Variants in CPB2 observed in about 807,000 individuals in gnomAD.
CPB2 encodes carboxypeptidase B2.
A neutral mutation model predicts 57.0 loss-of-function variants in CPB2; 54 were observed. That is an observed-to-expected ratio of 0.95 (90% CI 0.76 to 1.19). The LOEUF (loss-of-function observed/expected upper bound fraction) is 1.19, where lower values mean the gene tolerates loss of function less well. Among genes scored for constraint, CPB2 ranks in the 50% most tolerant of loss-of-function variants. The pLI is 0.00. For missense variants in CPB2, 426 were observed against 512.0 expected (o/e 0.83, Z 1.62); for synonymous variants, 189 against 178.1 (o/e 1.06, Z -0.49).
intron 1 of CPB2, among the ~76,000 whole-genome samples, chr13:46,092,836 C>T (rs1300176282): frequency 6.6e-6 from 1 of 152,010 alleles, no homozygotes; most frequent in African/African-American, 2.4e-5. Flanking sequence ...ATCTTGTAGG[C>T]AATTAGAAGT....
At chr13:46,091,013 C>T (rs2045285905) in intron 1 of CPB2, among the ~76,000 whole-genome samples, 1 of 152,184 alleles carries the variant, frequency 6.6e-6, no homozygotes, top group East Asian at 1.9e-4. Context: ...CGTGAGCCAC[C>T]GTGCCCGGCT....
At position 46,064,684 on chromosome 13, in the gene CPB2, CT is replaced by C; in HGVS notation, c.759del (p.Asp254ThrfsTer2). ...SFYANNHCIG[T>X]DLNRNFASKH... ...TTGGAAGCAAAGTTCCTATTCAGGT[CT>C]GTTCCGATGCAATGATTGTTCGCAT... On this transcript the variant is annotated frameshift_variant, in exon 8 of 11. Coordinates refer to ENST00000181383, the MANE Select transcript of CPB2 (RefSeq NM_001872.5). LOFTEE classifies it high-confidence loss of function. 6.2e-7 allele frequency: 1 copy of C among 1,614,134 alleles called. No individual in the cohort carries two copies.
At chr13:46,087,640 G>A (rs925218293) in intron 2 of CPB2, 105 bp downstream of exon 2, 2 of 759,928 alleles carry the variant, frequency 2.6e-6, no homozygotes, top group Admixed American at 2.5e-5. Flanking sequence ...GAGAAGAAGA[G>A]TTCATACCAG....
At chr13:46,100,285 C>T (rs959430699) in intron 1 of CPB2, 1 of 152,034 alleles carries the variant, frequency 6.6e-6, no homozygotes, top group African/African-American at 2.4e-5. Flanking sequence ...TTGATATGTC[C>T]AAGTTCAGCT....
At chr13:46,059,471 A>C (rs904892197) in intron 8 of CPB2, among the ~76,000 whole-genome samples, 4 of 152,228 alleles carry the variant, frequency 2.6e-5, no homozygotes, top group African/African-American at 4.8e-5. Context: ...AAAATTGAAA[A>C]ATTATACATT....
chr13:46,078,236 C>A (rs948043473), intron 5 of CPB2, among the ~76,000 whole-genome samples: 1 of 152,042 alleles, frequency 6.6e-6, no homozygotes, highest in Non-Finnish European at 1.5e-5. Context: ...TAAAAATTAA[C>A]ATCAAAAAGC....
chr13:46,096,689 G>A (rs1484448705), intron 1 of CPB2, among the ~76,000 whole-genome samples: 2 of 152,092 alleles, frequency 1.3e-5, no homozygotes, highest in East Asian at 3.9e-4. Context: ...TGAGGCAGGA[G>A]AATTGCTTGA....
At chr13:46,059,870 G>T (rs2044747395) in intron 8 of CPB2, among the ~76,000 whole-genome samples, 1 of 152,138 alleles carries the variant, frequency 6.6e-6, no homozygotes, top group South Asian at 2.1e-4. Context: ...TTAAAAAATT[G>T]TTTCCCTGAG....
intron 10 of CPB2, among the ~76,000 whole-genome samples, chr13:46,055,214 C>T (rs1026051101): frequency 6.6e-6 from 1 of 152,280 alleles, no homozygotes; most frequent in Non-Finnish European, 1.5e-5. Context: ...TGTCCTCCCA[C>T]TGTGTGTAGA....
intron 9 of CPB2, among the ~76,000 whole-genome samples, chr13:46,056,730 C>G (rs2044702644): frequency 6.6e-6 from 1 of 152,176 alleles, no homozygotes; most frequent in Non-Finnish European, 1.5e-5. Flanking sequence ...TTGGAAGGTC[C>G]TTCCTTCCCT....
At chr13:46,066,346 A>G (rs1165548680) in intron 7 of CPB2, among the ~76,000 whole-genome samples, 1 of 152,240 alleles carries the variant, frequency 6.6e-6, no homozygotes, top group Non-Finnish European at 1.5e-5. Flanking sequence ...GAGCATGTTA[A>G]ACTACAAGAT....
chr13:46,073,298 G>A (rs2044970485), intron 6 of CPB2: 2 of 159,046 alleles, frequency 1.3e-5, no homozygotes, highest in African/African-American at 4.8e-5. Flanking sequence ...AATTTTTACT[G>A]TTTTCATTCA....
At position 46,053,748 on chromosome 13, in the gene CPB2, A is replaced by G. The variant is rs1441746606; in HGVS notation, c.1138T>C (p.Tyr380His). 1 of 1,614,104 alleles carries G rather than the reference A, an allele frequency of 6.2e-7. No individual in the cohort carries two copies. Among genetic ancestry groups the G allele is most frequent in the Non-Finnish European group, 8.5e-7 (1 of 1,180,038 alleles). ...DDWIYDLGIK[Y>H]SFTIELRDTG... ...TCTCGAAGTTCAATTGTAAACGAAT[A>G]TTTGATGCCCAAATCATAGATCCAA... Residue 380 changes from tyrosine to histidine, a missense_variant, in exon 11 of 11, where the codon TAT (tyrosine) becomes CAT (histidine). Coordinates refer to ENST00000181383, the MANE Select transcript of CPB2 (RefSeq NM_001872.5).
chr13:46,075,743 G>T (rs1213529212), intron 5 of CPB2, among the ~76,000 whole-genome samples: 1 of 152,154 alleles, frequency 6.6e-6, no homozygotes, highest in Admixed American at 6.5e-5. Context: ...TTGGGATACT[G>T]TGCATAAATT....
intron 6 of CPB2, among the ~76,000 whole-genome samples, chr13:46,072,706 C>T (rs186569922): frequency 6.6e-5 from 10 of 152,248 alleles, no homozygotes; most frequent in Admixed American, 5.9e-4. Context: ...GACAACCTCA[C>T]CGATATAAAT....
At chr13:46,066,746 G>T (rs1283145590) in intron 7 of CPB2, among the ~76,000 whole-genome samples, 1 of 151,438 alleles carries the variant, frequency 6.6e-6, no homozygotes, top group African/African-American at 2.4e-5. Context: ...TCAGGAGGCT[G>T]AGGCAGAAAA....
At chr13:46,090,362 CTTT>C (rs11458090) in intron 1 of CPB2, among the ~76,000 whole-genome samples, 6 of 125,784 alleles carry the variant, frequency 4.8e-5, no homozygotes, top group East Asian at 2.2e-4. Flanking sequence ...TTTGTCTATT[CTTT>C]TTTTTTTTTT....
At chr13:46,089,435 C>A (rs1403433565) in intron 1 of CPB2, among the ~76,000 whole-genome samples, 1 of 152,064 alleles carries the variant, frequency 6.6e-6, no homozygotes, top group Non-Finnish European at 1.5e-5. Context: ...TGTGCACGTG[C>A]CCCCTCTCAT....
chr13:46,085,878 G>A (rs1352596043), intron 2 of CPB2, among the ~76,000 whole-genome samples: 1 of 152,212 alleles, frequency 6.6e-6, no homozygotes, highest in Non-Finnish European at 1.5e-5. Context: ...ACTCGGCCTG[G>A]CAGGCTGCAC....
Sources: gnomAD v4.1 joint callset for allele counts (sites outside exome capture counted in the v4.1 genomes callset) on GRCh38, gnomAD v4.1.1 for gene constraint, MANE v1.5 for transcripts, NCBI Gene and HGNC (gene_info 2026-07-23, HGNC 2026-07-21) for gene names.